The following CCDC149 variants were observed in gnomAD, a reference collection of about 807,000 sequenced individuals.
CCDC149 encodes the protein coiled-coil domain containing 149, also known as coiled-coil domain-containing protein 149.
A neutral mutation model predicts 59.9 loss-of-function variants in CCDC149; 45 were observed. That is an observed-to-expected ratio of 0.75 (90% confidence interval 0.59 to 0.96). The LOEUF (loss-of-function observed/expected upper bound fraction) is 0.96. Ranked by LOEUF, CCDC149 falls within the 40% of genes least tolerant of loss-of-function variation. CCDC149 has a pLI of 0.00. For synonymous variants in CCDC149, 245 were observed against 260.6 expected (o/e 0.94, Z 0.58); for missense variants, 584 against 664.7 (o/e 0.88, Z 1.33).
chr4:24,963,230 G>A (rs1326846797), intron 1 of CCDC149, among the ~76,000 whole-genome samples: 7 of 151,978 alleles, frequency 4.6e-5, no homozygotes, highest in Non-Finnish European at 8.8e-5. Context: ...TGCCTGGTGG[G>A]AGTAGGAACA....
At chr4:24,889,762 A>G (rs16876331) in intron 1 of CCDC149, among the ~76,000 whole-genome samples, 2,964 of 152,306 alleles carry the variant, frequency 0.019, 92 homozygotes, top group African/African-American at 0.067. Context: ...CAAAGCATGT[A>G]CAATATTTTG....
chr4:24,925,202 G>A (rs1048219376), intron 1 of CCDC149, among the ~76,000 whole-genome samples: 1 of 152,166 alleles, frequency 6.6e-6, no homozygotes, highest in Non-Finnish European at 1.5e-5. Context: ...TTCAAAAGCA[G>A]GGAAAATGAA....
At chr4:24,921,340 A>G (rs918574245) in intron 1 of CCDC149, among the ~76,000 whole-genome samples, 3 of 152,202 alleles carry the variant, frequency 2.0e-5, no homozygotes, top group African/African-American at 7.2e-5. Context: ...ATACTTCCAT[A>G]CAGATTGGTA....
chr4:24,915,328 C>T (rs1238595984), upstream of CCDC149, among the ~76,000 whole-genome samples: 1 of 152,210 alleles, frequency 6.6e-6, no homozygotes, highest in African/African-American at 2.4e-5. Flanking sequence ...GGTCCATCTG[C>T]CTTTCAAGCC....
chr4:24,959,959 CA>C (rs1461933151), intron 1 of CCDC149, among the ~76,000 whole-genome samples: 1 of 152,084 alleles, frequency 6.6e-6, no homozygotes, highest in Non-Finnish European at 1.5e-5. Flanking sequence ...TATGGGTCTT[CA>C]AAAAGGAATG....
intron 1 of CCDC149, among the ~76,000 whole-genome samples, chr4:24,935,124 A>G (rs1399198442): frequency 6.6e-6 from 1 of 152,186 alleles, no homozygotes; most frequent in East Asian, 1.9e-4. Context: ...GGTGGCTTAG[A>G]CCAGAGAAGT....
intron 4 of CCDC149, among the ~76,000 whole-genome samples, chr4:24,846,547 T>C (rs1717300867): frequency 6.6e-6 from 1 of 152,206 alleles, no homozygotes; most frequent in Non-Finnish European, 1.5e-5. Context: ...TGCACACTCA[T>C]TGGTCTGTCT....
At chr4:24,829,880 A>G (rs1283984640) in intron 9 of CCDC149, 4 of 152,366 alleles carry the variant, frequency 2.6e-5, no homozygotes, top group Non-Finnish European at 4.4e-5. Flanking sequence ...GCCTTCTTCA[A>G]AAACATTCCA....
At chr4:24,832,500 T>A (rs1007708018) in intron 8 of CCDC149, among the ~76,000 whole-genome samples, 1 of 152,214 alleles carries the variant, frequency 6.6e-6, no homozygotes, top group Non-Finnish European at 1.5e-5. Context: ...CACAGTTCCA[T>A]GTCATTGAAG....
intron 1 of CCDC149, among the ~76,000 whole-genome samples, chr4:24,930,919 A>C (rs951809282): frequency 1.3e-5 from 2 of 152,170 alleles, no homozygotes; most frequent in African/African-American, 2.4e-5. Context: ...GCACAAACTC[A>C]TACCTAAAAT....
Position 24,922,103 on chromosome 4 carries a change from T to G in CCDC149, c.-64-26985A>C, listed in dbSNP as rs74286784. 3.1e-4 allele frequency among the ~76,000 whole-genome samples: 47 copies of G among 152,280 alleles called. No individual in the cohort carries two copies. In the East Asian group the frequency reaches 8.5e-3, roughly 28 times the overall value. ...TCTGTCTCTGTGTCTAAATTTCCCCTTTTTATAAGGACACCTGTCATATTG... is the reference window on the plus strand; with the variant it reads ...TCTGTCTCTGTGTCTAAATTTCCCCGTTTTATAAGGACACCTGTCATATTG... On this transcript the variant is annotated intron_variant, in intron 1 of 12. Transcript: ENST00000389609.
chr4:24,839,908 C>G (rs1022777115), intron 4 of CCDC149, among the ~76,000 whole-genome samples: 4 of 152,136 alleles, frequency 2.6e-5, no homozygotes, highest in Admixed American at 1.3e-4. Context: ...TTCACTGTCA[C>G]ACAGATCCGA....
At chr4:24,809,884 C>A (rs1424623617) in intron 12 of CCDC149, among the ~76,000 whole-genome samples, 2 of 152,232 alleles carry the variant, frequency 1.3e-5, no homozygotes, top group Non-Finnish European at 2.9e-5. Context: ...TGGAGAACTG[C>A]AGCAGGTTAG....
chr4:24,875,122 C>T (rs1381962187), intron 2 of CCDC149, among the ~76,000 whole-genome samples: 1 of 152,096 alleles, frequency 6.6e-6, no homozygotes, highest in East Asian at 1.9e-4. Context: ...TCCTGGCTAA[C>T]AAGGTGAAAC....
chr4:24,962,561 T>C (rs1291918964), intron 1 of CCDC149, among the ~76,000 whole-genome samples: 1 of 152,128 alleles, frequency 6.6e-6, no homozygotes, highest in Non-Finnish European at 1.5e-5. Flanking sequence ...CCATAAAAAA[T>C]GATGAGTTCA....
intron 1 of CCDC149, among the ~76,000 whole-genome samples, chr4:24,949,435 G>A (rs1723210226): frequency 6.6e-6 from 1 of 150,768 alleles, no homozygotes; most frequent in African/African-American, 2.4e-5. Context: ...GGTAGTGGTG[G>A]CAGGGAGGGG....
At chr4:24,966,675 A>C (rs1272330424) in intron 1 of CCDC149, among the ~76,000 whole-genome samples, 1 of 152,192 alleles carries the variant, frequency 6.6e-6, no homozygotes, top group African/African-American at 2.4e-5. Flanking sequence ...AAATTCTCTT[A>C]AATTTGTGGA....
chr4:24,903,414 G>A (rs1386714008), intron 1 of CCDC149, among the ~76,000 whole-genome samples: 2 of 152,196 alleles, frequency 1.3e-5, no homozygotes, highest in African/African-American at 4.8e-5. Context: ...ATCAGCCTGG[G>A]GTTGAGAGGG....
chr4:24,883,838 T>C (rs575344032), intron 1 of CCDC149, among the ~76,000 whole-genome samples: 2 of 152,170 alleles, frequency 1.3e-5, no homozygotes, highest in Non-Finnish European at 2.9e-5. Flanking sequence ...ATGGGCAAAA[T>C]AGCTGAGATT....
Sources: allele counts gnomAD v4.1 joint callset (sites outside exome capture counted in the v4.1 genomes callset), GRCh38; gene constraint gnomAD v4.1.1; transcripts MANE v1.5; gene names NCBI Gene and HGNC (gene_info 2026-07-23, HGNC 2026-07-21).